Variants in THADA observed in about 807,000 individuals in gnomAD.
THADA encodes the protein tRNA (32-2'-O)-methyltransferase regulator THADA.
In THADA, 213 loss-of-function variants were observed where a neutral mutation model predicts 219.8. That is an observed-to-expected ratio of 0.97 (90% CI 0.87 to 1.09). The LOEUF (loss-of-function observed/expected upper bound fraction) is 1.09, where lower values mean the gene tolerates loss of function less well. THADA is among the 50% of genes least tolerant of loss of function. The pLI, the probability that THADA is intolerant of heterozygous loss-of-function variation, is 0.00. For missense variants in THADA, 2,956 were observed against 2,311.3 expected (o/e 1.28, Z -5.72); for synonymous variants, 1,018 against 828.9 (o/e 1.23, Z -3.92).
chr2:43,276,456 A>G (rs1396053290), intron 36 of THADA, among the ~76,000 whole-genome samples: 1 of 152,210 alleles, frequency 6.6e-6, no homozygotes, highest in Non-Finnish European at 1.5e-5. Context: ...CAGGCCTTCT[A>G]GAATCATTAA....
chr2:43,282,291 T>A (rs1673452810), intron 35 of THADA, among the ~76,000 whole-genome samples: 2 of 152,168 alleles, frequency 1.3e-5, no homozygotes, highest in South Asian at 4.1e-4. Flanking sequence ...GAAGGTCCCT[T>A]CTCAATGTCT....
At chr2:43,393,659 G>C (rs950194782) in intron 29 of THADA, among the ~76,000 whole-genome samples, 1 of 150,178 alleles carries the variant, frequency 6.7e-6, no homozygotes, top group African/African-American at 2.5e-5. Context: ...AGTGAGCCAA[G>C]ATGGTGCCAC....
Position 43,575,068 on chromosome 2 carries a change from T to C in THADA, c.1038-41A>G, listed in dbSNP as rs375347220. ...CCATGAGCCATTATTGTAAACTGAT[T>C]AGTAAAAGAAATTTCATTTTATAAC... On this transcript the variant is annotated intron_variant, in intron 10 of 37. Transcript: ENST00000405975. 487 of 1,384,366 alleles carry C rather than the reference T, an allele frequency of 3.5e-4. 3 individuals carry two copies. The highest frequency in any genetic ancestry group is 5.9e-5 in the Non-Finnish European group (61 of 1,025,252). The allele number at this position is 1,384,366 out of a possible 1,614,324, so 85.8% of individuals were successfully genotyped here.
At chr2:43,497,227 T>C (rs1316335329) in intron 25 of THADA, among the ~76,000 whole-genome samples, 1 of 152,182 alleles carries the variant, frequency 6.6e-6, no homozygotes, top group Non-Finnish European at 1.5e-5. Flanking sequence ...ACTATAAAGA[T>C]ATATGAAACA....
chr2:43,346,140 T>A (rs945299095), intron 29 of THADA, among the ~76,000 whole-genome samples: 24 of 151,074 alleles, frequency 1.6e-4, no homozygotes, highest in African/African-American at 5.4e-4. Context: ...AGAGAAGTCA[T>A]GGAAAAAAAT....
At chr2:43,528,910 C>T (rs1434061255) in intron 21 of THADA, among the ~76,000 whole-genome samples, 5 of 152,034 alleles carry the variant, frequency 3.3e-5, no homozygotes, top group Non-Finnish European at 7.4e-5. Context: ...CACCATCATG[C>T]ATTTAGAGAA....
chr2:43,585,984 GC>G (rs778886906), intron 7 of THADA, among the ~76,000 whole-genome samples: 15 of 151,906 alleles, frequency 9.9e-5, no homozygotes, highest in Non-Finnish European at 2.2e-4. Context: ...GGAGAAAGGG[GC>G]TGGGCATAGT....
chr2:43,235,984 A>G (rs1030098968), intron 36 of THADA, among the ~76,000 whole-genome samples: 3 of 151,398 alleles, frequency 2.0e-5, no homozygotes, highest in Non-Finnish European at 4.4e-5. Context: ...ATTTTTTTTG[A>G]ATTTTTAATA....
At position 43,430,275 on chromosome 2, in the gene THADA, A is replaced by G; in HGVS notation, c.3864T>C (p.Arg1288=). The G allele has an allele frequency of 6.4e-7, 1 of 1,550,876 alleles. No homozygotes were observed. The highest frequency in any genetic ancestry group is 2.0e-5 in the Admixed American group (1 of 50,500). The change falls in exon 27 of 38, where the codon CGT becomes CGC. Residue 1288 remains arginine, a synonymous_variant. Coordinates refer to ENST00000405975, the MANE Select transcript of THADA (RefSeq NM_022065.5). ...NRMTGREFFS[R]FPELYPFLLK... is the part of the protein sequence containing the mutation. ...GAAGAAAAGGATAGAGTTCTGGGAA[A>G]CGAGAGAAAAACTCTCTCCCTGTCA...
chr2:43,231,106 T>C lies in THADA; in HGVS notation c.5704A>G (p.Thr1902Ala). 1 of 1,613,936 alleles carries C rather than the reference T, an allele frequency of 6.2e-7. No individual in the cohort carries two copies. The highest frequency in any genetic ancestry group is 8.5e-7 in the Non-Finnish European group (1 of 1,179,854). Residue 1902 changes from threonine to alanine, a missense_variant, in exon 38 of 38, where the codon ACA becomes GCA. By Grantham distance (58) the Thr-to-Ala change is moderately conservative. Coordinates refer to ENST00000405975, the MANE Select transcript of THADA (RefSeq NM_022065.5). ...CTTTCCTCTTGAATGCGTAGTCTTG[T>C]GAACTCCACTGTCTTCACAAACTCA... ...AAEFVKTVEFTRLRIQEERTL... is the reference protein window; with the variant it reads ...AAEFVKTVEFARLRIQEERTL...
intron 1 of THADA, chr2:43,592,879 GT>G (rs1425262915): frequency 2.0e-5 from 3 of 152,344 alleles, no homozygotes; most frequent in Non-Finnish European, 2.9e-5. Context: ...AGGTACTACC[GT>G]GTCCTGATTT....
chr2:43,393,272 T>C (rs1158447647), intron 29 of THADA, among the ~76,000 whole-genome samples: 4 of 152,196 alleles, frequency 2.6e-5, no homozygotes, highest in Non-Finnish European at 4.4e-5. Context: ...ACATACCCAA[T>C]TAGATTTAAG....
chr2:43,269,256 C>T (rs1007942475), intron 36 of THADA, among the ~76,000 whole-genome samples: 2 of 152,192 alleles, frequency 1.3e-5, no homozygotes, highest in Admixed American at 6.5e-5. Context: ...AGGGGTCAGT[C>T]GCCTTGGCCA....
intron 30 of THADA, among the ~76,000 whole-genome samples, chr2:43,321,809 G>A (rs1212644788): frequency 8.5e-5 from 13 of 152,186 alleles, no homozygotes; most frequent in Admixed American, 2.0e-4. Context: ...AGATGTTCCA[G>A]AACTGTCCAT....
chr2:43,379,549 A>C (rs548729612), intron 29 of THADA, among the ~76,000 whole-genome samples: 2 of 152,226 alleles, frequency 1.3e-5, no homozygotes, highest in Non-Finnish European at 2.9e-5. Context: ...TGGTGACTCC[A>C]AGTGCTGACA....
At chr2:43,529,571 T>C (rs540394986) in intron 21 of THADA, among the ~76,000 whole-genome samples, 2 of 152,340 alleles carry the variant, frequency 1.3e-5, no homozygotes, top group East Asian at 1.9e-4. Context: ...AGGTTTTGAA[T>C]AGAATTAACT....
intron 34 of THADA, 25 bp downstream of exon 34, chr2:43,291,671 G>A (rs374577186): frequency 3.6e-5 from 54 of 1,506,514 alleles, no homozygotes; most frequent in Middle Eastern, 1.7e-4. Context: ...CCTAGGTCCC[G>A]GAACAAGATC....
At chr2:43,380,617 C>T (rs2104653321) in intron 29 of THADA, among the ~76,000 whole-genome samples, 1 of 152,234 alleles carries the variant, frequency 6.6e-6, no homozygotes, top group Admixed American at 6.5e-5. Context: ...TATGTATTTC[C>T]TAGCTCTGTC....
intron 22 of THADA, among the ~76,000 whole-genome samples, chr2:43,516,428 T>C (rs1558895162): frequency 6.6e-6 from 1 of 152,154 alleles, no homozygotes; most frequent in African/African-American, 2.4e-5. Context: ...CTGATGTTCC[T>C]TAAATACCTA....
Sources: gnomAD v4.1 joint callset for allele counts (sites outside exome capture counted in the v4.1 genomes callset) on GRCh38, gnomAD v4.1.1 for gene constraint, MANE v1.5 for transcripts, NCBI Gene and HGNC (gene_info 2026-07-23, HGNC 2026-07-21) for gene names.